Variants in ASPH observed in about 807,000 individuals in gnomAD.
The protein encoded by ASPH is aspartyl/asparaginyl beta-hydroxylase.
In ASPH, 100 loss-of-function variants were observed where a neutral mutation model predicts 118.4. The ratio of observed to expected loss-of-function variants is 0.84; its 90% CI spans 0.72 to 1.00. The LOEUF (loss-of-function observed/expected upper bound fraction) is 1.00, where lower values mean the gene tolerates loss of function less well. Among genes scored for constraint, ASPH ranks in the 50% least tolerant of loss-of-function variants. The pLI is 0.00. For synonymous variants in ASPH, 315 were observed against 325.6 expected (o/e 0.97, Z 0.35); for missense variants, 920 against 919.5 (o/e 1.00, Z -0.01).
At chr8:61,659,707 A>T (rs1815745450) in intron 3 of ASPH, 1 of 152,250 alleles carries the variant, frequency 6.6e-6, no homozygotes, top group South Asian at 2.1e-4. Context: ...GGAATCTTTC[A>T]GATTAGCCCA....
chr8:61,505,849 A>T (rs1348148621), intron 24 of ASPH, among the ~76,000 whole-genome samples: 1 of 152,222 alleles, frequency 6.6e-6, no homozygotes, highest in South Asian at 2.1e-4. Context: ...GCGGGGAAAT[A>T]CGCTGACAAG....
intron 22 of ASPH, among the ~76,000 whole-genome samples, chr8:61,523,079 A>G (rs1250097260): frequency 6.6e-6 from 1 of 152,156 alleles, no homozygotes; most frequent in Non-Finnish European, 1.5e-5. Context: ...TGCTAACTAG[A>G]CAACGGCTAA....
intron 15 of ASPH, chr8:61,578,786 G>A (rs1836285772): frequency 6.3e-7 from 1 of 1,594,268 alleles, no homozygotes; most frequent in Non-Finnish European, 8.6e-7. Context: ...ATACAGAGAT[G>A]GAGAATGAAT....
intron 14 of ASPH, among the ~76,000 whole-genome samples, chr8:61,609,760 G>C (rs181534612): frequency 6.6e-6 from 1 of 152,252 alleles, no homozygotes; most frequent in African/African-American, 2.4e-5. Flanking sequence ...AAGTGCTATG[G>C]GGAAGAGGTC....
At chr8:61,539,429 A>G (rs1820874532) in intron 21 of ASPH, among the ~76,000 whole-genome samples, 1 of 152,086 alleles carries the variant, frequency 6.6e-6, no homozygotes, top group African/African-American at 2.4e-5. Flanking sequence ...CAGTAAAGAA[A>G]GGAAGGAAGG....
chr8:61,559,381 C>G (rs904075228), intron 18 of ASPH, among the ~76,000 whole-genome samples: 1 of 152,118 alleles, frequency 6.6e-6, no homozygotes, highest in African/African-American at 2.4e-5. Flanking sequence ...TTCAACTGCC[C>G]AGGAGGTTAG....
chr8:61,546,957 A>T (rs1233477295), intron 21 of ASPH, among the ~76,000 whole-genome samples: 1 of 152,202 alleles, frequency 6.6e-6, no homozygotes, highest in African/African-American at 2.4e-5. Context: ...GCACATGTAA[A>T]ATCAATTGTT....
At chr8:61,557,075 C>T (rs974255387) in intron 18 of ASPH, among the ~76,000 whole-genome samples, 3 of 152,192 alleles carry the variant, frequency 2.0e-5, no homozygotes, top group African/African-American at 7.2e-5. Flanking sequence ...ACTTCCTTCA[C>T]CACTGCTACC....
At chr8:61,638,767 A>C (rs1339999145) in intron 10 of ASPH, among the ~76,000 whole-genome samples, 1 of 152,124 alleles carries the variant, frequency 6.6e-6, no homozygotes, top group Non-Finnish European at 1.5e-5. Context: ...GCCCCTGAGA[A>C]TGAAGCGTTC....
intron 1 of ASPH, among the ~76,000 whole-genome samples, chr8:61,702,944 G>A (rs945804233): frequency 2.0e-5 from 3 of 152,160 alleles, no homozygotes; most frequent in African/African-American, 7.2e-5. Flanking sequence ...GAAGCAGGGG[G>A]AGAGGATAGG....
chr8:61,713,933 G>T (rs1033012781), intron 1 of ASPH, among the ~76,000 whole-genome samples: 5 of 152,126 alleles, frequency 3.3e-5, no homozygotes, highest in African/African-American at 9.7e-5. Flanking sequence ...ACGATAAATT[G>T]TTCTCTTACT....
At chr8:61,658,248 C>T (rs1255634883) in intron 3 of ASPH, 1 of 152,188 alleles carries the variant, frequency 6.6e-6, no homozygotes, top group Non-Finnish European at 1.5e-5. Context: ...GTACTCAAAG[C>T]TGCCCCATGA....
chr8:61,526,848 G>C (rs950093223), intron 21 of ASPH, among the ~76,000 whole-genome samples: 5 of 152,078 alleles, frequency 3.3e-5, no homozygotes, highest in Non-Finnish European at 5.9e-5. Context: ...GTGGGAGGTG[G>C]GGGACAGTAG....
intron 3 of ASPH, among the ~76,000 whole-genome samples, chr8:61,666,537 GT>G (rs1819701322): frequency 6.6e-6 from 1 of 152,128 alleles, no homozygotes. Flanking sequence ...TGTGAAAGAT[GT>G]TTTTGCCCAT....
chr8:61,692,954 A>G (rs1438511536), intron 1 of ASPH, among the ~76,000 whole-genome samples: 1 of 152,008 alleles, frequency 6.6e-6, no homozygotes, highest in Non-Finnish European at 1.5e-5. Context: ...AAGGAAAAAA[A>G]AAAAAGAAAA....
In ASPH at chr8:61,653,587, C is replaced by A; in HGVS notation, c.396G>T (p.Glu132Asp). Residue 132 changes from glutamate to aspartate, a missense_variant, in exon 4 of 25, where the codon GAG (glutamate) becomes GAT (aspartate). By Grantham distance (45) the Glu-to-Asp change is conservative. Coordinates refer to ENST00000379454, the MANE Select transcript of ASPH (RefSeq NM_004318.4). The stretch of plus-strand genomic sequence containing the variant: ...GCTTACCTGCCTCCACAGGAACCTG[C>A]TCCTCGGGCTCAGTGTGTGGCTCAG... ...EEAEPHTEPE[E>D]QVPVEAEPQN... The A allele has an allele frequency of 6.2e-7, 1 of 1,613,934 alleles. No individual in the cohort carries two copies. Among genetic ancestry groups the A allele is most frequent in the South Asian group, 1.1e-5 (1 of 91,062 alleles).
chr8:61,622,906 T>C (rs1020000948), intron 13 of ASPH, among the ~76,000 whole-genome samples: 6 of 152,216 alleles, frequency 3.9e-5, no homozygotes, highest in African/African-American at 1.4e-4. Context: ...TAGTGTTTAT[T>C]TTTGTTTCTT....
In ASPH at chr8:61,503,265, C is replaced by CTCTT. The variant is rs138880716; in HGVS notation, c.*90_*93dup. The CTCTT allele has an allele frequency of 3.8e-3, 5,351 of 1,417,148 alleles. 129 individuals are homozygous for CTCTT. In the African/African-American group the frequency reaches 0.06, roughly 16 times the overall value. The allele number at this position is 1,417,148 out of a possible 1,614,324, so 87.8% of individuals were successfully genotyped here. Reference sequence around the variant, plus strand: ...TCGGGCTGCAAGTCAAGGGAATTGACTCTTGGTGTTCGAAATTCTATCCTC... The same window carrying CTCTT: ...TCGGGCTGCAAGTCAAGGGAATTGACTCTTTCTTGGTGTTCGAAATTCTATCCTC... On this transcript the variant is annotated 3_prime_UTR_variant, in exon 25 of 25. Coordinates refer to ENST00000379454, the MANE Select transcript of ASPH (RefSeq NM_004318.4).
At chr8:61,639,663 C>T (rs143372596) in intron 10 of ASPH, among the ~76,000 whole-genome samples, 368 of 152,266 alleles carry the variant, frequency 2.4e-3, no homozygotes, top group African/African-American at 7.8e-3. Flanking sequence ...TCCTGATGAC[C>T]ACGTAACTAC....
Sources: allele counts gnomAD v4.1 joint callset (sites outside exome capture counted in the v4.1 genomes callset), GRCh38; gene constraint gnomAD v4.1.1; transcripts MANE v1.5; gene names NCBI Gene and HGNC (gene_info 2026-07-23, HGNC 2026-07-21).